BICD1: variants seen among roughly 807,000 people sequenced by gnomAD.
The protein encoded by BICD1 is protein bicaudal D homolog 1.
A neutral mutation model predicts 92.5 loss-of-function variants in BICD1; 35 were observed. The ratio of observed to expected loss-of-function variants is 0.38; its 90% CI spans 0.29 to 0.50. The LOEUF (loss-of-function observed/expected upper bound fraction) is 0.50, where lower values mean the gene tolerates loss of function less well. BICD1 is among the 20% of genes least tolerant of loss of function. The probability of loss-of-function intolerance (pLI) is 0.93; values close to 1 mark genes in which losing one functional copy is unlikely to be tolerated. For synonymous variants in BICD1, 429 were observed against 465.1 expected (o/e 0.92, Z 1.00); for missense variants, 950 against 1,189.8 (o/e 0.80, Z 2.97).
intron 1 of BICD1, among the ~76,000 whole-genome samples, chr12:32,134,863 G>A (rs1480052524): frequency 6.6e-6 from 1 of 152,168 alleles, no homozygotes; most frequent in Non-Finnish European, 1.5e-5. Flanking sequence ...CCACAGTCAG[G>A]CTTGGTGATT....
chr12:32,363,806 G>A (rs1436050374), intron 8 of BICD1, among the ~76,000 whole-genome samples: 2 of 152,096 alleles, frequency 1.3e-5, no homozygotes, highest in Non-Finnish European at 2.9e-5. Context: ...TCAGCCCTTG[G>A]ACCATACAAT....
intron 5 of BICD1, among the ~76,000 whole-genome samples, chr12:32,329,227 C>T (rs911276125): frequency 1.3e-5 from 2 of 152,130 alleles, no homozygotes; most frequent in Non-Finnish European, 2.9e-5. Flanking sequence ...GCCTCAGCCT[C>T]CGAAGCAGCT....
intron 1 of BICD1, among the ~76,000 whole-genome samples, chr12:32,181,312 G>A (rs983410108): frequency 5.9e-5 from 9 of 151,498 alleles, no homozygotes; most frequent in Non-Finnish European, 1.2e-4. Flanking sequence ...CCTAGCCACC[G>A]GGGAGGCTGA....
At chr12:32,159,279 G>A (rs545469502) in intron 1 of BICD1, among the ~76,000 whole-genome samples, 12 of 152,250 alleles carry the variant, frequency 7.9e-5, no homozygotes, top group East Asian at 7.7e-4. Context: ...AACTAGCTGC[G>A]AAGATGTGTA....
Position 32,337,923 on chromosome 12 carries a change from A to G in BICD1, c.2570+107A>G. The G allele has an allele frequency of 8.0e-7, 1 of 1,253,470 alleles. No homozygotes were observed. The highest frequency in any genetic ancestry group is 1.1e-6 in the Non-Finnish European group (1 of 887,390). The allele number at this position is 1,253,470 out of a possible 1,614,324, so 77.6% of individuals were successfully genotyped here. ...AGGATGGAGGAGGGGAAGCAAAAGA[A>G]AAAATGGGAGCTGGCATATAAATGG... On this transcript the variant is annotated intron_variant, in intron 7 of 9. Coordinates refer to ENST00000652176, the MANE Select transcript of BICD1 (RefSeq NM_001714.4). This position sits in a 1 kb window ranked among gnomAD's most constrained non-coding sequence, Gnocchi z 4.7.
At chr12:32,230,515 T>G (rs932431184) in intron 2 of BICD1, among the ~76,000 whole-genome samples, 4 of 152,066 alleles carry the variant, frequency 2.6e-5, no homozygotes, top group African/African-American at 9.7e-5. Flanking sequence ...TGCCAGGAAT[T>G]AAGACCAGAA....
At chr12:32,153,380 A>T (rs1037913801) in intron 1 of BICD1, among the ~76,000 whole-genome samples, 14 of 152,150 alleles carry the variant, frequency 9.2e-5, no homozygotes, top group Non-Finnish European at 1.6e-4. Flanking sequence ...TAAACATGTG[A>T]GTGCCCTTGT....
intron 2 of BICD1, among the ~76,000 whole-genome samples, chr12:32,249,313 A>G (rs1158331308): frequency 6.6e-6 from 1 of 152,220 alleles, no homozygotes; most frequent in African/African-American, 2.4e-5. Context: ...GTGTACAGGG[A>G]TCTCTTTACA....
intron 2 of BICD1, among the ~76,000 whole-genome samples, chr12:32,250,917 G>A (rs997677280): frequency 1.3e-5 from 2 of 152,100 alleles, no homozygotes; most frequent in South Asian, 4.1e-4. Context: ...CAAGGAGGTC[G>A]AGGCTGCGGT....
At chr12:32,252,471 C>T (rs1946592743) in intron 2 of BICD1, among the ~76,000 whole-genome samples, 2 of 152,058 alleles carry the variant, frequency 1.3e-5, no homozygotes, top group African/African-American at 2.4e-5. Flanking sequence ...GGTCAGATGA[C>T]TGCCTGTCCA....
At chr12:32,113,278 G>T (rs529302253) in intron 1 of BICD1, among the ~76,000 whole-genome samples, 2 of 152,248 alleles carry the variant, frequency 1.3e-5, no homozygotes, top group East Asian at 3.9e-4. Context: ...GAAGACAGTG[G>T]AGCTGAGAAT....
At chr12:32,132,497 G>A (rs1942585558) in intron 1 of BICD1, among the ~76,000 whole-genome samples, 1 of 152,042 alleles carries the variant, frequency 6.6e-6, no homozygotes, top group Non-Finnish European at 1.5e-5. Context: ...GGTACTGCAA[G>A]CCTTTGCGGC....
intron 3 of BICD1, among the ~76,000 whole-genome samples, chr12:32,297,531 A>G (rs1020583532): frequency 3.9e-5 from 6 of 152,186 alleles, no homozygotes; most frequent in Admixed American, 1.3e-4. Flanking sequence ...TATTGTATGT[A>G]CAAATGCCAC....
intron 2 of BICD1, among the ~76,000 whole-genome samples, chr12:32,218,277 G>GA (rs1423812801): frequency 2.0e-5 from 3 of 151,984 alleles, no homozygotes; most frequent in East Asian, 1.9e-4. Context: ...GGCAGCAAAA[G>GA]AAAAAAAATT....
intron 4 of BICD1, among the ~76,000 whole-genome samples, chr12:32,306,355 T>C (rs2136219746): frequency 6.6e-6 from 1 of 152,264 alleles, no homozygotes; most frequent in Non-Finnish European, 1.5e-5. Context: ...GTGATTCTCC[T>C]GCCTCAGCCT....
intron 1 of BICD1, among the ~76,000 whole-genome samples, chr12:32,174,197 A>G (rs1418126003): frequency 6.6e-6 from 1 of 152,116 alleles, no homozygotes; most frequent in African/African-American, 2.4e-5. Flanking sequence ...TATAAAATGT[A>G]TGATGTCTAC....
At chr12:32,331,524 T>C (rs1278369138) in intron 5 of BICD1, among the ~76,000 whole-genome samples, 1 of 152,234 alleles carries the variant, frequency 6.6e-6, no homozygotes, top group Non-Finnish European at 1.5e-5. Flanking sequence ...TAATGAGTTA[T>C]CTTGGGGATG....
chr12:32,134,700 T>C (rs1466041090), intron 1 of BICD1, among the ~76,000 whole-genome samples: 1 of 152,144 alleles, frequency 6.6e-6, no homozygotes, highest in Non-Finnish European at 1.5e-5. Flanking sequence ...AATAAAGTCT[T>C]GATAACAGTA....
rs150682949 is a variant in BICD1, at chr12:32,192,453, A to AATAAATAGATAG, written c.214-23791_214-23790insAATAGATAGATA. ...TGTTAAATAAATAAATAAATAAATAAATAGATAGATAGATAGATAGATAGA... is the reference window on the plus strand; with the variant it reads ...TGTTAAATAAATAAATAAATAAATAAATAAATAGATAGATAGATAGATAGATAGATAGATAGA... On this transcript the variant is annotated intron_variant, in intron 1 of 9. Transcript: ENST00000652176. 4.0e-5 allele frequency among the ~76,000 whole-genome samples: 6 copies of AATAAATAGATAG among 149,180 alleles called. No individual in the cohort carries two copies. The East Asian group carries it at 7.9e-4, about 20-fold the overall frequency.
Sources: allele counts gnomAD v4.1 joint callset (sites outside exome capture counted in the v4.1 genomes callset), GRCh38; gene constraint gnomAD v4.1.1; non-coding constraint Gnocchi (gnomAD v3.1); transcripts MANE v1.5; gene names NCBI Gene and HGNC (gene_info 2026-07-23, HGNC 2026-07-21).